Variants in SLC39A11 observed in about 807,000 individuals in gnomAD.
The protein encoded by SLC39A11 is zinc transporter ZIP11.
In SLC39A11, 33 loss-of-function variants were observed where a neutral mutation model predicts 36.1. The observed-to-expected ratio is 0.91, with a 90% CI of 0.69 to 1.22. The LOEUF is 1.22. SLC39A11 is among the 50% of genes most tolerant of loss of function. The pLI is 0.00. For missense variants in SLC39A11, 432 were observed against 430.3 expected (o/e 1.00, Z -0.03); for synonymous variants, 166 against 170.3 (o/e 0.97, Z 0.20).
intron 7 of SLC39A11, among the ~76,000 whole-genome samples, chr17:72,684,251 C>G (rs2071637750): frequency 6.6e-6 from 1 of 152,196 alleles, no homozygotes; most frequent in African/African-American, 2.4e-5. Flanking sequence ...CAGAGGTCAG[C>G]AGCACATTTA....
chr17:72,852,274 C>A (rs543183564), intron 5 of SLC39A11, among the ~76,000 whole-genome samples: 17 of 149,162 alleles, frequency 1.1e-4, no homozygotes, highest in African/African-American at 4.2e-4. Flanking sequence ...TGCTCAAATC[C>A]TACAAGTACA....
intron 7 of SLC39A11, among the ~76,000 whole-genome samples, chr17:72,690,709 C>T (rs906419595): frequency 6.6e-6 from 1 of 152,162 alleles, no homozygotes; most frequent in African/African-American, 2.4e-5. Context: ...ACCAGATGCA[C>T]CCTGTGGTGG....
Position 72,754,020 on chromosome 17 carries a change from G to GTATA in SLC39A11, c.602-17305_602-17302dup, listed in dbSNP as rs58028460. Among the ~76,000 whole-genome samples the GTATA allele has an allele frequency of 1.4e-3, 148 of 108,314 alleles. 1 individual carries two copies. The highest frequency in any genetic ancestry group is 3.2e-3 in the East Asian group (12 of 3,722). 71.1% of individuals were successfully genotyped at this position (108,314 alleles called of 152,430 possible). A position where few individuals can be genotyped will look rare whatever the true frequency, so the allele number is the denominator to read the frequency against. The stretch of plus-strand genomic sequence containing the variant: ...TAAAGAAACTGTGATATGTATATAT[G>GTATA]TATATATATATATATATATATATAT... On this transcript the variant is annotated intron_variant, in intron 6 of 9. Transcript: ENST00000255559.
At chr17:72,757,797 T>C (rs1307714927) in intron 6 of SLC39A11, among the ~76,000 whole-genome samples, 2 of 152,202 alleles carry the variant, frequency 1.3e-5, no homozygotes, top group Non-Finnish European at 2.9e-5. Context: ...TCTCACCTTA[T>C]TGTGTGTTTG....
chr17:73,092,225 G>C (rs1395178761), intron 1 of SLC39A11: 1 of 152,254 alleles, frequency 6.6e-6, no homozygotes, highest in African/African-American at 2.4e-5. Context: ...AGAGCAAGTG[G>C]GAGGGGCCTG....
At chr17:72,805,092 A>C (rs1306594448) in intron 6 of SLC39A11, among the ~76,000 whole-genome samples, 1 of 152,078 alleles carries the variant, frequency 6.6e-6, no homozygotes, top group Non-Finnish European at 1.5e-5. Flanking sequence ...TGGATGAAAA[A>C]TTGTAAGGAT....
chr17:73,003,424 G>T (rs1190565686), intron 4 of SLC39A11, among the ~76,000 whole-genome samples: 1 of 152,164 alleles, frequency 6.6e-6, no homozygotes, highest in Non-Finnish European at 1.5e-5. Flanking sequence ...TGGAGAACTA[G>T]AACCCTCACA....
intron 6 of SLC39A11, among the ~76,000 whole-genome samples, chr17:72,789,449 A>C (rs1483662015): frequency 1.3e-5 from 2 of 152,220 alleles, no homozygotes; most frequent in African/African-American, 4.8e-5. Context: ...GGCAAAGGGC[A>C]CACGAAATGA....
chr17:72,814,208 C>G (rs775606804), intron 6 of SLC39A11, among the ~76,000 whole-genome samples: 4 of 152,156 alleles, frequency 2.6e-5, no homozygotes, highest in Non-Finnish European at 5.9e-5. Flanking sequence ...CATACTGGAC[C>G]GTGCAGATAC....
At chr17:72,728,916 G>A (rs1368978839) in intron 7 of SLC39A11, among the ~76,000 whole-genome samples, 3 of 152,078 alleles carry the variant, frequency 2.0e-5, no homozygotes, top group African/African-American at 2.4e-5. Flanking sequence ...GCTGGCAAAC[G>A]CTGTCTGTGG....
At chr17:72,803,360 G>A (rs1463504978) in intron 6 of SLC39A11, among the ~76,000 whole-genome samples, 1 of 152,242 alleles carries the variant, frequency 6.6e-6, no homozygotes, top group African/African-American at 2.4e-5. Flanking sequence ...CTGTGTCCCT[G>A]TCTCTACATA....
intron 6 of SLC39A11, among the ~76,000 whole-genome samples, chr17:72,773,498 C>G (rs752082814): frequency 3.9e-5 from 6 of 152,082 alleles, no homozygotes; most frequent in Admixed American, 2.0e-4. Flanking sequence ...GTAAGAAGTG[C>G]CTTTCACCTT....
At chr17:72,765,931 G>T (rs1008850758) in intron 6 of SLC39A11, among the ~76,000 whole-genome samples, 6 of 152,148 alleles carry the variant, frequency 3.9e-5, no homozygotes, top group African/African-American at 1.4e-4. Flanking sequence ...CTCCTCCAGG[G>T]GCCAGCTGAG....
At chr17:72,794,370 TG>T (rs1427558727) in intron 6 of SLC39A11, among the ~76,000 whole-genome samples, 1 of 152,148 alleles carries the variant, frequency 6.6e-6, no homozygotes, top group Non-Finnish European at 1.5e-5. Context: ...GGACTCACAC[TG>T]ACTCCACAAT....
chr17:72,952,975 A>G (rs191069253), intron 4 of SLC39A11, among the ~76,000 whole-genome samples: 2 of 152,264 alleles, frequency 1.3e-5, no homozygotes, highest in East Asian at 3.9e-4. Context: ...TCAAGGTGTC[A>G]AATACAAGGG....
At chr17:72,672,977 G>A (rs2071086246) in intron 7 of SLC39A11, among the ~76,000 whole-genome samples, 1 of 151,944 alleles carries the variant, frequency 6.6e-6, no homozygotes. Context: ...GGCCGTTTTT[G>A]TTCAAAGGCA....
At chr17:72,676,561 C>G (rs11077623) in intron 7 of SLC39A11, among the ~76,000 whole-genome samples, 33,962 of 152,010 alleles carry the variant, frequency 0.22, 4,068 homozygotes, top group South Asian at 0.26. Context: ...AAAGAGTAAA[C>G]ATAGCAGGTG....
At chr17:73,011,320 G>C (rs1015383791) in intron 4 of SLC39A11, among the ~76,000 whole-genome samples, 1 of 152,236 alleles carries the variant, frequency 6.6e-6, no homozygotes, top group Non-Finnish European at 1.5e-5. Flanking sequence ...GATAAGCAGG[G>C]AGGGACCAGG....
At chr17:73,039,359 GT>G (rs1250108150) in intron 3 of SLC39A11, among the ~76,000 whole-genome samples, 1 of 152,042 alleles carries the variant, frequency 6.6e-6, no homozygotes, top group Non-Finnish European at 1.5e-5. Flanking sequence ...TCGTGTCCAT[GT>G]CCCCCAGAAC....
Sources: allele counts gnomAD v4.1 joint callset (sites outside exome capture counted in the v4.1 genomes callset), GRCh38; gene constraint gnomAD v4.1.1; transcripts MANE v1.5; gene names NCBI Gene and HGNC (gene_info 2026-07-23, HGNC 2026-07-21).